The following SYT1 variants were observed in gnomAD, a reference collection of about 807,000 sequenced individuals.
SYT1 encodes synaptotagmin 1.
SYT1 carries 8 observed loss-of-function variants against 44.8 expected under a neutral mutation model. The ratio of observed to expected loss-of-function variants is 0.18; its 90% CI spans 0.10 to 0.32. SYT1 has a LOEUF of 0.32. Among genes scored for constraint, SYT1 ranks in the 10% least tolerant of loss-of-function variants. The pLI is 1.00. For synonymous variants in SYT1, 154 were observed against 188.8 expected (o/e 0.82, Z 1.51); for missense variants, 286 against 509.3 (o/e 0.56, Z 4.22).
chr12:79,020,321 C>G (rs1253424866), intron 2 of SYT1, among the ~76,000 whole-genome samples: 1 of 151,886 alleles, frequency 6.6e-6, no homozygotes, highest in Non-Finnish European at 1.5e-5. Context: ...GTTGCTGCAA[C>G]AAGTCCACCT....
rs964280070 is a variant in SYT1, at chr12:78,893,253, A to T, written c.-217+28144A>T. 1.1e-4 allele frequency among the ~76,000 whole-genome samples: 17 copies of T among 151,828 alleles called. No individual in the cohort carries two copies. The East Asian group carries it at 1.4e-3, about 12-fold the overall frequency. ...TAATGATTCTTGCTTTAATTTTTTT[A>T]AAATTTCCACTGCTGATTTATCAAA... On this transcript the variant is annotated intron_variant, in intron 1 of 10. Coordinates refer to ENST00000261205, the MANE Select transcript of SYT1 (RefSeq NM_005639.3).
At chr12:78,900,548 G>A (rs1177559394) in intron 1 of SYT1, among the ~76,000 whole-genome samples, 1 of 151,956 alleles carries the variant, frequency 6.6e-6, no homozygotes, top group Non-Finnish European at 1.5e-5. Context: ...AAAAGAAAGA[G>A]CCAAATGTTC....
intron 3 of SYT1, among the ~76,000 whole-genome samples, chr12:79,064,955 A>AGAAG (rs1202424194): frequency 6.8e-6 from 1 of 147,776 alleles, no homozygotes; most frequent in East Asian, 2.0e-4. Flanking sequence ...AAAGAAAGAA[A>AGAAG]GAAAGAAAGA....
intron 2 of SYT1, among the ~76,000 whole-genome samples, chr12:78,988,257 T>C (rs1326910585): frequency 3.3e-5 from 5 of 151,662 alleles, no homozygotes; most frequent in Non-Finnish European, 5.9e-5. Flanking sequence ...AGACAATAAA[T>C]GAGATATTAA....
At chr12:79,068,049 C>T (rs1187337085) in intron 3 of SYT1, among the ~76,000 whole-genome samples, 1 of 152,176 alleles carries the variant, frequency 6.6e-6, no homozygotes, top group African/African-American at 2.4e-5. Flanking sequence ...TCCTACCATG[C>T]TTTGGATTAC....
intron 3 of SYT1, among the ~76,000 whole-genome samples, chr12:79,123,972 T>A (rs924925208): frequency 1.3e-5 from 2 of 152,218 alleles, no homozygotes; most frequent in African/African-American, 4.8e-5. Context: ...GTTATTGCTC[T>A]TGTGTTTTTG....
At chr12:78,970,818 A>G (rs1264150156) in intron 1 of SYT1, among the ~76,000 whole-genome samples, 1 of 152,142 alleles carries the variant, frequency 6.6e-6, no homozygotes, top group South Asian at 2.1e-4. Context: ...TTTTAATTGG[A>G]TTAATTACCC....
chr12:78,868,893 G>A (rs1873680747), intron 1 of SYT1: 1 of 151,706 alleles, frequency 6.6e-6, no homozygotes, highest in African/African-American at 2.4e-5. Flanking sequence ...AGTACAAGAT[G>A]ATGCACTTCT....
intron 9 of SYT1, among the ~76,000 whole-genome samples, chr12:79,420,206 T>G (rs1869018676): frequency 1.3e-5 from 2 of 152,140 alleles, no homozygotes. Flanking sequence ...TATGCACAAT[T>G]TTTAAATTTC....
chr12:79,385,877 A>G (rs2136082361), intron 9 of SYT1, among the ~76,000 whole-genome samples: 2 of 152,340 alleles, frequency 1.3e-5, no homozygotes, highest in Middle Eastern at 3.4e-3. Flanking sequence ...TAAAATTGTT[A>G]TTGTCAGTTA....
intron 9 of SYT1, among the ~76,000 whole-genome samples, chr12:79,391,153 C>A (rs1318610742): frequency 6.6e-6 from 1 of 152,166 alleles, no homozygotes; most frequent in East Asian, 1.9e-4. Flanking sequence ...GTGGTTAAAG[C>A]AGTTGTTTTC....
At chr12:78,939,369 G>A (rs983193632) in intron 1 of SYT1, among the ~76,000 whole-genome samples, 4 of 151,952 alleles carry the variant, frequency 2.6e-5, no homozygotes, top group Non-Finnish European at 5.9e-5. Flanking sequence ...TATTGTTTTC[G>A]CTATTAAAAG....
At chr12:79,358,438 A>G (rs989694472) in intron 9 of SYT1, among the ~76,000 whole-genome samples, 1 of 152,168 alleles carries the variant, frequency 6.6e-6, no homozygotes, top group Non-Finnish European at 1.5e-5. Context: ...TGTGGTTCTC[A>G]TGATAGCCCT....
At chr12:79,200,561 C>T (rs557789842) in intron 3 of SYT1, among the ~76,000 whole-genome samples, 16 of 152,104 alleles carry the variant, frequency 1.1e-4, no homozygotes, top group Admixed American at 3.3e-4. Context: ...AAATGCTGTC[C>T]GCTCCCAGAA....
At chr12:79,389,326 C>T (rs372048011) in intron 9 of SYT1, among the ~76,000 whole-genome samples, 1 of 152,230 alleles carries the variant, frequency 6.6e-6, no homozygotes, top group Non-Finnish European at 1.5e-5. Context: ...GCTATCTATA[C>T]GTTCCCAGCA....
At chr12:79,321,036 T>C (rs1369801340) in intron 8 of SYT1, among the ~76,000 whole-genome samples, 1 of 152,210 alleles carries the variant, frequency 6.6e-6, no homozygotes, top group Non-Finnish European at 1.5e-5. Flanking sequence ...TTTGTGATTC[T>C]AGTTGCTGTT....
intron 8 of SYT1, among the ~76,000 whole-genome samples, chr12:79,351,764 A>C (rs1290804826): frequency 6.6e-6 from 1 of 152,154 alleles, no homozygotes; most frequent in Non-Finnish European, 1.5e-5. Context: ...ACATCAGGTG[A>C]ATTCAGCACA....
intron 4 of SYT1, among the ~76,000 whole-genome samples, chr12:79,226,558 T>TA (rs977897207): frequency 6.6e-5 from 10 of 152,024 alleles, no homozygotes; most frequent in African/African-American, 2.4e-4. Context: ...GTACCACCCC[T>TA]AAAAAATATT....
At chr12:79,430,071 A>G (rs2251214) in intron 9 of SYT1, among the ~76,000 whole-genome samples, 124,393 of 152,160 alleles carry the variant, frequency 0.82, 51,694 homozygotes, top group African/African-American at 0.96. Context: ...TAAGCATACC[A>G]CTATCCAAAT....
Sources: allele counts gnomAD v4.1 joint callset (sites outside exome capture counted in the v4.1 genomes callset), GRCh38; gene constraint gnomAD v4.1.1; transcripts MANE v1.5; gene names NCBI Gene and HGNC (gene_info 2026-07-23, HGNC 2026-07-21).